Variants in NLGN4X observed in about 807,000 individuals in gnomAD.
NLGN4X encodes neuroligin-4, X-linked.
NLGN4X carries 3 observed loss-of-function variants against 40.3 expected under a neutral mutation model. That is an observed-to-expected ratio of 0.07 (90% CI 0.03 to 0.19). The LOEUF is 0.19. NLGN4X is among the 10% of genes least tolerant of loss of function. NLGN4X has a pLI of 1.00. For missense variants in NLGN4X, 382 were observed against 708.3 expected, an observed-to-expected ratio of 0.54 and a Z score of 5.23; for synonymous variants, 270 against 306.8, an observed-to-expected ratio of 0.88 and a Z score of 1.25.
At chrX:6,125,397 C>CA (rs2039518479) in intron 2 of NLGN4X, among the ~76,000 whole-genome samples, 1 of 86,287 alleles carries the variant, frequency 1.2e-5, no homozygotes, top group African/African-American at 4.5e-5. Context: ...CAAGACTGAC[C>CA]AAGGAAGAGT....
rs1456668275 is a variant in NLGN4X, at chrX:6,195,820, ACT to A, written c.-306+32719_-306+32720del. On this transcript the variant is annotated intron_variant, in intron 1 of 5. Coordinates refer to ENST00000381095, the MANE Select transcript of NLGN4X (RefSeq NM_181332.3). ...TTTATTAACTTTGGAGACAGACCTC[ACT>A]CTTTTACCCAGGCTGGAATTCAATG... 7.3e-5 allele frequency among the ~76,000 whole-genome samples: 8 copies of A among 110,131 alleles called. No individual in the cohort carries two copies. The South Asian group carries it at 3.2e-3, about 44-fold the overall frequency.
At chrX:5,993,926 A>G (rs1156513317) in intron 3 of NLGN4X, among the ~76,000 whole-genome samples, 1 of 111,655 alleles carries the variant, frequency 9.0e-6, no homozygotes, top group Non-Finnish European at 1.9e-5. Flanking sequence ...AACCCTGGAA[A>G]TCATATATGC....
chrX:5,917,699 A>G (rs1439269053), intron 3 of NLGN4X, among the ~76,000 whole-genome samples: 1 of 111,940 alleles, frequency 8.9e-6, no homozygotes, highest in African/African-American at 3.2e-5. Context: ...GCTTTCATGA[A>G]TATCAGAAGC....
intron 3 of NLGN4X, among the ~76,000 whole-genome samples, chrX:5,964,531 T>C (rs2034763370): frequency 8.9e-6 from 1 of 112,149 alleles, no homozygotes; most frequent in South Asian, 3.7e-4. Flanking sequence ...TTCTGAAACA[T>C]GGTCTCACTC....
At chrX:6,015,207 T>A (rs1020619497) in intron 3 of NLGN4X, among the ~76,000 whole-genome samples, 1 of 112,034 alleles carries the variant, frequency 8.9e-6, no homozygotes. Flanking sequence ...CTCTGTTTTG[T>A]TTGCTACTCC....
chrX:6,224,116 A>T (rs1925941357), intron 1 of NLGN4X, among the ~76,000 whole-genome samples: 1 of 112,719 alleles, frequency 8.9e-6, no homozygotes. Context: ...TTAACCAGAT[A>T]AGCCTATCTT....
intron 3 of NLGN4X, among the ~76,000 whole-genome samples, chrX:5,978,244 C>A (rs969960526): frequency 1.8e-5 from 2 of 111,666 alleles, no homozygotes; most frequent in Non-Finnish European, 3.8e-5. Context: ...CTGCTTCCAA[C>A]TGGAATTAAA....
intron 1 of NLGN4X, among the ~76,000 whole-genome samples, chrX:6,188,018 C>T (rs776793263): frequency 2.7e-5 from 3 of 111,771 alleles, no homozygotes. Context: ...CCTACAACGC[C>T]CTTCCCACTT....
chrX:6,173,160 G>C (rs1201266877), intron 1 of NLGN4X, among the ~76,000 whole-genome samples: 1 of 112,380 alleles, frequency 8.9e-6, no homozygotes, highest in Non-Finnish European at 1.9e-5. Flanking sequence ...GCTCCCTGTG[G>C]AGAGGAGGGA....
At position 5,903,448 on chromosome X, in the gene NLGN4X, A is replaced by T. The variant is rs964197726; in HGVS notation, c.1230T>A (p.Pro410=). ...SNFVDNLYGY[P]EGKDTLRETI... ...TCTCCCGCAAAGTGTCTTTCCCTTC[A>T]GGGTAGCCGTAAAGGTTGTCCACGA... Residue 410 remains proline (P), a synonymous_variant, in exon 5 of 6, where the codon CCT becomes CCA. Transcript: ENST00000381095. 3 of 1,204,957 alleles carry T rather than the reference A, an allele frequency of 2.5e-6. No individual in the cohort carries two copies. The African/African-American group carries it at 5.3e-5, about 21-fold the overall frequency.
In NLGN4X at chrX:5,891,546, G is replaced by A; in HGVS notation, c.*1271C>T. 3.5e-6 allele frequency: 1 copy of A among 284,318 alleles called. No homozygotes were observed. Among genetic ancestry groups the A allele is most frequent in the Non-Finnish European group, 6.6e-6 (1 of 151,960 alleles). 23.4% of individuals were successfully genotyped at this position (284,318 alleles called of 1,213,427 possible). ...CGGCCAAACCCTCCCGCAGCTGCTA[G>A]GGAACACAGAGCCGTATTTACTCCA... On this transcript the variant is annotated 3_prime_UTR_variant, in exon 6 of 6. Coordinates refer to ENST00000381095, the MANE Select transcript of NLGN4X (RefSeq NM_181332.3).
chrX:5,961,330 A>T (rs1294058403), intron 3 of NLGN4X, among the ~76,000 whole-genome samples: 1 of 112,633 alleles, frequency 8.9e-6, no homozygotes, highest in Non-Finnish European at 1.9e-5. Flanking sequence ...AGCTCTCAGA[A>T]GAAATCTATT....
At chrX:5,975,608 G>A (rs1327676446) in intron 3 of NLGN4X, among the ~76,000 whole-genome samples, 143 of 62,767 alleles carry the variant, frequency 2.3e-3, no homozygotes, top group African/African-American at 2.1e-3. Context: ...GCAAGACTCC[G>A]TTTCAAAAAA....
chrX:6,082,997 G>A (rs1402788152), intron 2 of NLGN4X, among the ~76,000 whole-genome samples: 2 of 82,902 alleles, frequency 2.4e-5, no homozygotes, highest in Non-Finnish European at 4.5e-5. Flanking sequence ...TCTCGCTGTC[G>A]CCCAGGCTGG....
intron 3 of NLGN4X, among the ~76,000 whole-genome samples, chrX:5,912,141 T>C (rs1569125728): frequency 9.0e-6 from 1 of 111,691 alleles, no homozygotes; most frequent in Non-Finnish European, 1.9e-5. Context: ...GAACTGCATG[T>C]CACAGGGGTT....
intron 3 of NLGN4X, among the ~76,000 whole-genome samples, chrX:6,008,863 G>A (rs746115173): frequency 2.9e-4 from 32 of 111,605 alleles, no homozygotes; most frequent in Admixed American, 1.8e-3. Flanking sequence ...CCTCTCAGCC[G>A]CACACAAACA....
chrX:6,123,137 G>A (rs1213972764), intron 2 of NLGN4X, among the ~76,000 whole-genome samples: 1 of 111,605 alleles, frequency 9.0e-6, no homozygotes, highest in Non-Finnish European at 1.9e-5. Context: ...TACTCACAAA[G>A]TAAATAATAC....
intron 1 of NLGN4X, among the ~76,000 whole-genome samples, chrX:6,191,910 A>C: frequency 8.9e-6 from 1 of 111,844 alleles, no homozygotes; most frequent in Non-Finnish European, 1.9e-5. Context: ...AACCAGTAAG[A>C]CTGACCAATA....
chrX:5,944,749 G>GA (rs150778449), intron 3 of NLGN4X, among the ~76,000 whole-genome samples: 1 of 106,676 alleles, frequency 9.4e-6, no homozygotes, highest in Non-Finnish European at 1.9e-5. Flanking sequence ...TCAGCCAAAA[G>GA]AAAAATACTA....
Sources: allele counts gnomAD v4.1 joint callset (sites outside exome capture counted in the v4.1 genomes callset), GRCh38; gene constraint gnomAD v4.1.1; transcripts MANE v1.5; gene names NCBI Gene and HGNC (gene_info 2026-07-23, HGNC 2026-07-21).